The following WDR33 variants were observed in gnomAD, a reference collection of about 807,000 sequenced individuals.
WDR33 encodes pre-mRNA 3' end processing protein WDR33.
Under a neutral mutation model 164.9 loss-of-function variants are expected in WDR33, and 47 were observed. The ratio of observed to expected loss-of-function variants is 0.29; its 90% CI spans 0.23 to 0.36. WDR33 has a LOEUF of 0.36. Among genes scored for constraint, WDR33 ranks in the 10% least tolerant of loss-of-function variants. The probability of loss-of-function intolerance (pLI) is 1.00; values close to 1 mark genes in which losing one functional copy is unlikely to be tolerated. For synonymous variants in WDR33, 505 were observed against 589.0 expected (o/e 0.86, Z 2.06); for missense variants, 1,137 against 1,754.1 (o/e 0.65, Z 6.28).
chr2:127,806,375 T>C (rs1037619915), intron 1 of WDR33, among the ~76,000 whole-genome samples: 1 of 151,916 alleles, frequency 6.6e-6, no homozygotes, highest in African/African-American at 2.4e-5. Context: ...ACCCGGCTAA[T>C]TTTTGTATTT....
intron 7 of WDR33, chr2:127,736,838 T>C: frequency 4.1e-6 from 4 of 985,398 alleles, no homozygotes; most frequent in African/African-American, 3.5e-5. Flanking sequence ...TGTTAAACTC[T>C]TTTACAATAA....
chr2:127,804,536 C>T (rs10168589), intron 1 of WDR33, among the ~76,000 whole-genome samples: 3,244 of 151,918 alleles, frequency 0.021, 126 homozygotes, highest in African/African-American at 0.075. Flanking sequence ...TAAATGGCTC[C>T]GAAAATAATA....
chr2:127,721,083 T>G lies in WDR33; in HGVS notation c.1672-730A>C, dbSNP rs1686426256. Among the ~76,000 whole-genome samples the G allele has an allele frequency of 6.6e-6, 1 of 152,238 alleles. No homozygotes were observed. Among genetic ancestry groups the G allele is most frequent in the South Asian group, 2.1e-4 (1 of 4,834 alleles). ...GTATATTTAACTTAGATCTACTCAC[T>G]GCCCCACTAATTCAGTTTTTTTATG... is the stretch of plus-strand genomic sequence containing the variant. On this transcript the variant is annotated intron_variant, in intron 15 of 21. Transcript: ENST00000322313. The surrounding 1 kb of genome is among the most constrained non-coding windows in gnomAD (Gnocchi z 4.9).
chr2:127,808,712 T>C (rs1346895040), intron 1 of WDR33, among the ~76,000 whole-genome samples: 6 of 151,070 alleles, frequency 4.0e-5, no homozygotes. Flanking sequence ...CTGGCCAACA[T>C]GGTGAAACCC....
intron 7 of WDR33, among the ~76,000 whole-genome samples, chr2:127,761,480 G>A (rs1242937033): frequency 2.0e-5 from 3 of 152,192 alleles, no homozygotes; most frequent in Admixed American, 6.5e-5. Context: ...GATTACAGGC[G>A]TGAGCCACCG....
At chr2:127,727,555 C>G (rs1459540093) in intron 7 of WDR33, among the ~76,000 whole-genome samples, 1 of 151,982 alleles carries the variant, frequency 6.6e-6, no homozygotes, top group Non-Finnish European at 1.5e-5. Flanking sequence ...GAGAGAGTCC[C>G]TGAGCCTGGT....
intron 7 of WDR33, chr2:127,762,759 C>T (rs1433108296): frequency 2.7e-6 from 3 of 1,121,970 alleles, no homozygotes; most frequent in Non-Finnish European, 3.3e-6. Flanking sequence ...GGAACAAGTA[C>T]CCTGGCTACA....
intron 7 of WDR33, among the ~76,000 whole-genome samples, chr2:127,748,884 TAAAAAAAAA>T (rs59425653): frequency 1.9e-5 from 2 of 105,024 alleles, no homozygotes; most frequent in Admixed American, 2.0e-4. Context: ...AGCTGAAACT[TAAAAAAAAA>T]AAAAAAAAAA....
intron 7 of WDR33, chr2:127,736,512 G>T (rs941851972): frequency 2.0e-6 from 2 of 985,396 alleles, no homozygotes; most frequent in Middle Eastern, 5.2e-4. Context: ...GGATAAAAAG[G>T]TAGATGCACC....
chr2:127,764,631 A>G lies in WDR33; in HGVS notation c.626+197T>C. On this transcript the variant is annotated intron_variant, in intron 6 of 21. Transcript: ENST00000322313. The surrounding 1 kb of genome is among the most constrained non-coding windows in gnomAD (Gnocchi z 6.2). ...TCTCTAACATATTGCAAAGGCTGATACCGGGACAACACTACTTCAGAAAGG... is the reference window on the plus strand; with the variant it reads ...TCTCTAACATATTGCAAAGGCTGATGCCGGGACAACACTACTTCAGAAAGG... 6.4e-7 allele frequency: 1 copy of G among 1,556,010 alleles called. No homozygotes were observed. The highest frequency in any genetic ancestry group is 8.7e-7 in the Non-Finnish European group (1 of 1,148,960).
Position 127,789,572 on chromosome 2 carries a change from T to C in WDR33, c.-23-18568A>G, listed in dbSNP as rs1044681099. Among the ~76,000 whole-genome samples the C allele has an allele frequency of 1.4e-4, 21 of 144,948 alleles. No homozygotes were observed. The East Asian group carries it at 3.5e-3, about 24-fold the overall frequency. ...CAGGCGTGGCGGCGCGTGCCTGCAATGGCAGGCACTCGGCAGGCTGAGGCA... is the reference window on the plus strand; with the variant it reads ...CAGGCGTGGCGGCGCGTGCCTGCAACGGCAGGCACTCGGCAGGCTGAGGCA... On this transcript the variant is annotated intron_variant, in intron 1 of 21. Transcript: ENST00000322313.
At chr2:127,803,951 A>T (rs2104685518) in intron 1 of WDR33, among the ~76,000 whole-genome samples, 1 of 149,054 alleles carries the variant, frequency 6.7e-6, no homozygotes, top group South Asian at 2.1e-4. Context: ...CAGTCTCAAA[A>T]AAAAAAAAAA....
At position 127,735,652 on chromosome 2, in the gene WDR33, A is replaced by C; in HGVS notation, c.725-8875T>G. 1.0e-6 allele frequency: 1 copy of C among 985,868 alleles called. No homozygotes were observed. The highest frequency in any genetic ancestry group is 1.2e-6 in the Non-Finnish European group (1 of 829,942). 61.1% of individuals were successfully genotyped at this position (985,868 alleles called of 1,614,324 possible). On this transcript the variant is annotated intron_variant, in intron 7 of 21. Transcript: ENST00000322313. This position sits in a 1 kb window ranked among gnomAD's most constrained non-coding sequence, Gnocchi z 4.3. ...TCAGGCTACTTCTAGCCACAAGAAC[A>C]TAAAATGTAACAGATCAGTTTAAGA...
intron 1 of WDR33, among the ~76,000 whole-genome samples, chr2:127,777,594 T>C (rs549164923): frequency 3.3e-5 from 5 of 152,360 alleles, no homozygotes; most frequent in Admixed American, 3.3e-4. Context: ...ACTTAGTGTG[T>C]CAATGTTTGT....
chr2:127,763,542 G>C lies in WDR33; in HGVS notation c.627-383C>G. The C allele has an allele frequency of 2.0e-6, 2 of 1,017,862 alleles. No homozygotes were observed. The highest frequency in any genetic ancestry group is 2.4e-6 in the Non-Finnish European group (2 of 849,986). The allele number at this position is 1,017,862 out of a possible 1,614,324, so 63.1% of individuals were successfully genotyped here. A position where few individuals can be genotyped will look rare whatever the true frequency, so the allele number is the denominator to read the frequency against. On this transcript the variant is annotated intron_variant, in intron 6 of 21. Transcript: ENST00000322313. The surrounding 1 kb of genome is among the most constrained non-coding windows in gnomAD (Gnocchi z 4.5). ...GTCTTTTAAATCACACACGAATACTGCTCCCAAAATTATCATCAGCTTCTG... is the reference window on the plus strand; with the variant it reads ...GTCTTTTAAATCACACACGAATACTCCTCCCAAAATTATCATCAGCTTCTG...
intron 1 of WDR33, among the ~76,000 whole-genome samples, chr2:127,781,519 T>C (rs1452503983): frequency 6.6e-6 from 1 of 152,210 alleles, no homozygotes; most frequent in Non-Finnish European, 1.5e-5. Flanking sequence ...ATGCTCTGCT[T>C]GTGACAATGT....
chr2:127,737,582 G>A (rs573028428), intron 7 of WDR33: 9 of 991,996 alleles, frequency 9.1e-6, no homozygotes, highest in African/African-American at 1.7e-5. Flanking sequence ...AGAAAGGCCA[G>A]TACCTACACT....
At chr2:127,756,799 C>T (rs550849863) in intron 7 of WDR33, among the ~76,000 whole-genome samples, 5 of 152,152 alleles carry the variant, frequency 3.3e-5, no homozygotes, top group East Asian at 3.9e-4. Context: ...TCTGAATCTT[C>T]GGCCAGGCAT....
In WDR33 at chr2:127,735,777, T is replaced by C. The variant is rs188360575; in HGVS notation, c.725-9000A>G. On this transcript the variant is annotated intron_variant, in intron 7 of 21. Coordinates refer to ENST00000322313, the MANE Select transcript of WDR33 (RefSeq NM_018383.5). The surrounding 1 kb of genome is among the most constrained non-coding windows in gnomAD (Gnocchi z 4.3). ...TAAGAAGCATAAGTAATCTGTGCTC[T>C]GGTCAAGGAATATGCAATTTATTAG... 5.2e-5 allele frequency: 51 copies of C among 985,482 alleles called. No homozygotes were observed. The African/African-American group carries it at 7.7e-4, about 15-fold the overall frequency. The allele number at this position is 985,482 out of a possible 1,614,324, so 61.0% of individuals were successfully genotyped here.
Sources: gnomAD v4.1 joint callset for allele counts (sites outside exome capture counted in the v4.1 genomes callset) on GRCh38, gnomAD v4.1.1 for gene constraint, Gnocchi (gnomAD v3.1) non-coding constraint, MANE v1.5 for transcripts, NCBI Gene and HGNC (gene_info 2026-07-23, HGNC 2026-07-21) for gene names.